The following LYPLAL1 variants were observed in gnomAD, a reference collection of about 807,000 sequenced individuals.
The protein encoded by LYPLAL1 is lysophospholipase like 1, also known as lysophospholipase-like protein 1.
LYPLAL1 carries 23 observed loss-of-function variants against 19.7 expected under a neutral mutation model. The observed-to-expected ratio is 1.17, with a 90% confidence interval of 0.84 to 1.65. The LOEUF (loss-of-function observed/expected upper bound fraction) is 1.65. Ranked by LOEUF, LYPLAL1 falls within the 40% of genes most tolerant of loss-of-function variation. LYPLAL1 has a pLI of 0.00. For synonymous variants in LYPLAL1, 119 were observed against 96.3 expected (o/e 1.24, Z -1.38); for missense variants, 355 against 279.4 (o/e 1.27, Z -1.93).
At chr1:219,373,863 C>CAAAAAAAAAAAAAAAAAAAAAA in the LYPLAL1 span, among the ~76,000 whole-genome samples, 6 of 102,214 alleles carry the variant, frequency 5.9e-5, no homozygotes, top group Non-Finnish European at 1.0e-4. Flanking sequence ...ATAAAATTGT[C>CAAAAAAAAAAAAAAAAAAAAAA]AAAAAAAAAA....
the LYPLAL1 span, among the ~76,000 whole-genome samples, chr1:219,304,509 T>C: frequency 6.6e-6 from 1 of 152,236 alleles, no homozygotes; most frequent in Non-Finnish European, 1.5e-5. Flanking sequence ...ATCTATTTAG[T>C]GAGTGACTCT....
At chr1:219,434,080 C>T in the LYPLAL1 span, among the ~76,000 whole-genome samples, 2 of 152,118 alleles carry the variant, frequency 1.3e-5, no homozygotes, top group South Asian at 2.1e-4. Flanking sequence ...TAAAATACCA[C>T]GTGGAAAAAG....
At chr1:219,434,052 GA>G in the LYPLAL1 span, among the ~76,000 whole-genome samples, 126 of 146,684 alleles carry the variant, frequency 8.6e-4, no homozygotes, top group Non-Finnish European at 1.1e-3. Context: ...GCAGTAAAAA[GA>G]AAAAAAAAAG....
At chr1:219,314,826 A>T in the LYPLAL1 span, among the ~76,000 whole-genome samples, 2 of 152,204 alleles carry the variant, frequency 1.3e-5, no homozygotes, top group Non-Finnish European at 2.9e-5. Flanking sequence ...AAAGATTTTG[A>T]CTCAGTAGGC....
At chr1:219,375,761 G>C in the LYPLAL1 span, among the ~76,000 whole-genome samples, 1 of 148,366 alleles carries the variant, frequency 6.7e-6, no homozygotes, top group East Asian at 2.0e-4. Flanking sequence ...TTTGGCGTGG[G>C]GGCAGAGTCT....
chr1:219,314,410 G>A, the LYPLAL1 span, among the ~76,000 whole-genome samples: 83 of 152,212 alleles, frequency 5.5e-4, no homozygotes, highest in South Asian at 8.3e-4. Context: ...ACTGCTTTCC[G>A]CAATGGTTGA....
chr1:219,374,744 A>G, the LYPLAL1 span, among the ~76,000 whole-genome samples: 22,820 of 152,018 alleles, frequency 0.15, 1,891 homozygotes, highest in East Asian at 0.28. Context: ...TTCACATCCC[A>G]AATTCCGGCA....
chr1:219,174,872 C>T (rs1655682840), intron 1 of LYPLAL1: 3 of 982,736 alleles, frequency 3.1e-6, no homozygotes, highest in African/African-American at 1.7e-5. Flanking sequence ...TAGTTTGAGT[C>T]AGCAGTGCAT....
At chr1:219,284,319 T>C in the LYPLAL1 span, among the ~76,000 whole-genome samples, 2 of 152,296 alleles carry the variant, frequency 1.3e-5, no homozygotes, top group East Asian at 3.9e-4. Flanking sequence ...ATCACCAGAA[T>C]CATTAGAGAT....
chr1:219,267,182 T>C, the LYPLAL1 span, among the ~76,000 whole-genome samples: 14 of 152,128 alleles, frequency 9.2e-5, no homozygotes, highest in Admixed American at 3.3e-4. Flanking sequence ...CTAGGAGGAA[T>C]CTTCTTGAGT....
the LYPLAL1 span, among the ~76,000 whole-genome samples, chr1:219,326,806 G>T: frequency 6.6e-6 from 1 of 152,138 alleles, no homozygotes; most frequent in African/African-American, 2.4e-5. Context: ...TACCAAACAG[G>T]TTGCGGCATG....
the LYPLAL1 span, among the ~76,000 whole-genome samples, chr1:219,287,838 A>G: frequency 6.6e-6 from 1 of 152,154 alleles, no homozygotes; most frequent in Non-Finnish European, 1.5e-5. Context: ...TTTTTGTGAT[A>G]GAGTTCTCAC....
the LYPLAL1 span, among the ~76,000 whole-genome samples, chr1:219,327,070 C>T: frequency 6.6e-6 from 1 of 152,244 alleles, no homozygotes; most frequent in East Asian, 1.9e-4. Context: ...CTGCACACCA[C>T]CTCATGACAG....
the LYPLAL1 span, among the ~76,000 whole-genome samples, chr1:219,250,885 C>G: frequency 3.9e-5 from 6 of 151,930 alleles, no homozygotes; most frequent in African/African-American, 1.4e-4. Context: ...CGCCATACTG[C>G]TTTCCACAAT....
At chr1:219,329,100 A>T in the LYPLAL1 span, among the ~76,000 whole-genome samples, 1 of 151,750 alleles carries the variant, frequency 6.6e-6, no homozygotes, top group African/African-American at 2.4e-5. Flanking sequence ...TTGTAGTTCA[A>T]CACTTTTCAA....
At chr1:219,273,792 G>A in the LYPLAL1 span, among the ~76,000 whole-genome samples, 19 of 152,128 alleles carry the variant, frequency 1.2e-4, no homozygotes, top group East Asian at 3.1e-3. Flanking sequence ...ATGGAGTTTC[G>A]CTCTTGTTGC....
chr1:219,329,180 C>T, the LYPLAL1 span, among the ~76,000 whole-genome samples: 1 of 151,802 alleles, frequency 6.6e-6, no homozygotes, highest in Non-Finnish European at 1.5e-5. Flanking sequence ...AAGTACTGGT[C>T]TCGGTTTGAC....
At chr1:219,311,367 A>G in the LYPLAL1 span, among the ~76,000 whole-genome samples, 8 of 152,304 alleles carry the variant, frequency 5.3e-5, no homozygotes, top group East Asian at 1.5e-3. Context: ...CAATCAATCT[A>G]CTTTTCTGGA....
At chr1:219,258,372 G>A in the LYPLAL1 span, among the ~76,000 whole-genome samples, 1 of 152,010 alleles carries the variant, frequency 6.6e-6, no homozygotes, top group African/African-American at 2.4e-5. Flanking sequence ...AGTATTGTTA[G>A]GGAAGTGATA....
Sources: allele counts gnomAD v4.1 joint callset (sites outside exome capture counted in the v4.1 genomes callset), GRCh38; gene constraint gnomAD v4.1.1; transcripts MANE v1.5; gene names NCBI Gene and HGNC (gene_info 2026-07-23, HGNC 2026-07-21).